ARIH1: variants seen among roughly 807,000 people sequenced by gnomAD.
ARIH1 encodes the protein E3 ubiquitin-protein ligase ARIH1.
In ARIH1, 8 loss-of-function variants were observed where a neutral mutation model predicts 85.0. That is an observed-to-expected ratio of 0.09 (90% CI 0.06 to 0.17). ARIH1 has a LOEUF of 0.17. Ranked by LOEUF, ARIH1 falls within the 10% of genes least tolerant of loss-of-function variation. The probability of loss-of-function intolerance (pLI) is 1.00; values close to 1 mark genes in which losing one functional copy is unlikely to be tolerated. For synonymous variants in ARIH1, 238 were observed against 253.6 expected (o/e 0.94, Z 0.59); for missense variants, 311 against 718.1 (o/e 0.43, Z 6.48).
intron 11 of ARIH1, among the ~76,000 whole-genome samples, chr15:72,574,933 CAA>C (rs1187454931): frequency 8.7e-6 from 1 of 114,744 alleles, no homozygotes; most frequent in Admixed American, 9.8e-5. Flanking sequence ...AAAAAAAAAA[CAA>C]AGAAGGTTTT....
intron 10 of ARIH1, among the ~76,000 whole-genome samples, chr15:72,571,059 G>T (rs1461241015): frequency 6.6e-6 from 1 of 150,504 alleles, no homozygotes; most frequent in East Asian, 2.0e-4. Context: ...AACTCGGGAG[G>T]TGGAGGTTGC....
chr15:72,516,155 G>GT (rs923156878), intron 1 of ARIH1, among the ~76,000 whole-genome samples: 7 of 152,108 alleles, frequency 4.6e-5, no homozygotes, highest in Non-Finnish European at 7.4e-5. Flanking sequence ...CCTCCCCTCT[G>GT]TTTTTTCCCT....
chr15:72,590,990 G>A lies in ARIH1; in HGVS notation c.*7698G>A, dbSNP rs1392010151. The A allele has an allele frequency of 6.6e-6, 1 of 152,088 alleles. No individual in the cohort carries two copies. The highest frequency in any genetic ancestry group is 1.5e-5 in the Non-Finnish European group (1 of 68,034). 9.4% of individuals were successfully genotyped at this position (152,088 alleles called of 1,614,324 possible). A position where few individuals can be genotyped will look rare whatever the true frequency, so the allele number is the denominator to read the frequency against. On this transcript the variant is annotated 3_prime_UTR_variant, in exon 14 of 14. Transcript: ENST00000379887. The stretch of plus-strand genomic sequence containing the variant: ...TGTAATCCCAGCACTTTAGGAGGCT[G>A]AGGCAGGTGGATCACGAGGTCGGGA...
intron 3 of ARIH1, among the ~76,000 whole-genome samples, chr15:72,547,075 C>T (rs2064132808): frequency 6.6e-6 from 1 of 151,126 alleles, no homozygotes. Flanking sequence ...CTACAGGCGT[C>T]TGCCATCACG....
intron 6 of ARIH1, among the ~76,000 whole-genome samples, chr15:72,563,184 G>A (rs748864712): frequency 6.6e-6 from 1 of 152,002 alleles, no homozygotes; most frequent in Admixed American, 6.6e-5. Context: ...CTGTGTAGTC[G>A]GGACTACAGG....
intron 1 of ARIH1, among the ~76,000 whole-genome samples, chr15:72,500,358 G>T (rs965712970): frequency 2.5e-4 from 38 of 152,140 alleles, no homozygotes; most frequent in African/African-American, 9.2e-4. Flanking sequence ...CTCCCAAAGT[G>T]CTGGGATTAC....
At position 72,586,177 on chromosome 15, in the gene ARIH1, C is replaced by T. The variant is rs1894109287; in HGVS notation, c.*2885C>T. On this transcript the variant is annotated 3_prime_UTR_variant, in exon 14 of 14. Transcript: ENST00000379887. ...TGTGTTTAAATAAATATGTTAGATACACGTGTATACATACACCCATATACA... is the reference window on the plus strand; with the variant it reads ...TGTGTTTAAATAAATATGTTAGATATACGTGTATACATACACCCATATACA... 6.6e-6 allele frequency: 1 copy of T among 152,138 alleles called. No homozygotes were observed. Among genetic ancestry groups the T allele is most frequent in the Admixed American group, 6.6e-5 (1 of 15,262 alleles). The allele number at this position is 152,138 out of a possible 1,614,324, so 9.4% of individuals were successfully genotyped here. A position where few individuals can be genotyped will look rare whatever the true frequency, so the allele number is the denominator to read the frequency against.
At chr15:72,507,514 G>C (rs888769664) in intron 1 of ARIH1, among the ~76,000 whole-genome samples, 1 of 152,002 alleles carries the variant, frequency 6.6e-6, no homozygotes, top group African/African-American at 2.4e-5. Context: ...TGATATATTT[G>C]GCCTGGGGTT....
chr15:72,565,898 G>C (rs995478173), intron 7 of ARIH1, among the ~76,000 whole-genome samples: 1 of 152,104 alleles, frequency 6.6e-6, no homozygotes, highest in African/African-American at 2.4e-5. Context: ...TTTGCCATTC[G>C]TAAATTACTT....
At chr15:72,488,257 G>A (rs2063845174) in intron 1 of ARIH1, among the ~76,000 whole-genome samples, 3 of 151,692 alleles carry the variant, frequency 2.0e-5, no homozygotes, top group Non-Finnish European at 4.4e-5. Flanking sequence ...TTTTGTTTTT[G>A]GTAGAGACAA....
At chr15:72,526,947 T>C (rs914112051) in intron 2 of ARIH1, among the ~76,000 whole-genome samples, 2 of 152,018 alleles carry the variant, frequency 1.3e-5, no homozygotes, top group Admixed American at 1.3e-4. Context: ...CTAATTTCTT[T>C]CCATGCCTCT....
chr15:72,589,615 A>G lies in ARIH1; in HGVS notation c.*6323A>G, dbSNP rs2064332011. On this transcript the variant is annotated 3_prime_UTR_variant, in exon 14 of 14. Transcript: ENST00000379887. ...TCAGATCCATGGGGCAGGATCATCA[A>G]TACAAACATGGGTGTTGAGAGCTTA... 1 of 152,212 alleles carries G rather than the reference A, an allele frequency of 6.6e-6. No homozygotes were observed. The highest frequency in any genetic ancestry group is 1.5e-5 in the Non-Finnish European group (1 of 68,040). 9.4% of individuals were successfully genotyped at this position (152,212 alleles called of 1,614,324 possible). A position where few individuals can be genotyped will look rare whatever the true frequency, so the allele number is the denominator to read the frequency against.
At chr15:72,537,449 C>A (rs1357647216) in intron 2 of ARIH1, among the ~76,000 whole-genome samples, 1 of 152,082 alleles carries the variant, frequency 6.6e-6, no homozygotes, top group Non-Finnish European at 1.5e-5. Flanking sequence ...ACCCTCAGTT[C>A]CAATCCCATT....
intron 2 of ARIH1, among the ~76,000 whole-genome samples, chr15:72,520,367 T>G (rs2063994094): frequency 6.6e-6 from 1 of 152,114 alleles, no homozygotes; most frequent in African/African-American, 2.4e-5. Context: ...TTTTTTTTTT[T>G]TAAAGCATTT....
chr15:72,479,667 A>G (rs931416671), intron 1 of ARIH1, among the ~76,000 whole-genome samples: 5 of 152,108 alleles, frequency 3.3e-5, no homozygotes, highest in African/African-American at 7.2e-5. Context: ...TGGCCTCCCA[A>G]AGTGCTGGGA....
intron 1 of ARIH1, among the ~76,000 whole-genome samples, chr15:72,492,653 T>C (rs1047156709): frequency 2.0e-5 from 3 of 152,306 alleles, no homozygotes; most frequent in South Asian, 4.1e-4. Context: ...TTTTTAAATG[T>C]AGTAATTACA....
intron 1 of ARIH1, among the ~76,000 whole-genome samples, chr15:72,495,280 T>A (rs1595852112): frequency 6.6e-6 from 1 of 152,198 alleles, no homozygotes; most frequent in East Asian, 1.9e-4. Flanking sequence ...TGAAATGTTC[T>A]AAAATTAATG....
At chr15:72,564,159 CTT>C (rs922957215) in intron 7 of ARIH1, among the ~76,000 whole-genome samples, 1 of 152,212 alleles carries the variant, frequency 6.6e-6, no homozygotes, top group Admixed American at 6.5e-5. Flanking sequence ...TCATTCATCT[CTT>C]CTTGCATTTT....
intron 1 of ARIH1, among the ~76,000 whole-genome samples, chr15:72,483,377 A>C (rs942575229): frequency 2.6e-5 from 4 of 152,254 alleles, no homozygotes; most frequent in African/African-American, 9.6e-5. Flanking sequence ...GAAGCCACAA[A>C]GTTTTTATAA....
Sources: gnomAD v4.1 joint callset for allele counts (sites outside exome capture counted in the v4.1 genomes callset) on GRCh38, gnomAD v4.1.1 for gene constraint, MANE v1.5 for transcripts, NCBI Gene and HGNC (gene_info 2026-07-23, HGNC 2026-07-21) for gene names.